The following PRR16 variants were observed in gnomAD, a reference collection of about 807,000 sequenced individuals.
The protein encoded by PRR16 is proline rich 16, also known as protein Largen.
PRR16 carries 6 observed loss-of-function variants against 18.2 expected under a neutral mutation model. The observed-to-expected ratio is 0.33, with a 90% CI of 0.18 to 0.65. PRR16 has a LOEUF of 0.65. PRR16 is among the 30% of genes least tolerant of loss of function. PRR16 has a pLI of 0.74. For missense variants in PRR16, 412 were observed against 376.6 expected (o/e 1.09, Z -0.78); for synonymous variants, 151 against 147.8 (o/e 1.02, Z -0.16).
chr5:120,642,227 C>T (rs911059227), intron 1 of PRR16, among the ~76,000 whole-genome samples: 1 of 151,196 alleles, frequency 6.6e-6, no homozygotes, highest in African/African-American at 2.4e-5. Flanking sequence ...AAATCTGATA[C>T]TGTAATTTCC....
the PRR16 span, among the ~76,000 whole-genome samples, chr5:120,761,851 C>A: frequency 3.3e-5 from 5 of 152,056 alleles, no homozygotes; most frequent in African/African-American, 1.2e-4. Flanking sequence ...CATTTACCAA[C>A]CTCTCTTCAT....
chr5:120,664,450 G>A (rs987212413), intron 1 of PRR16, among the ~76,000 whole-genome samples: 1 of 31,126 alleles, frequency 3.2e-5, no homozygotes, highest in Non-Finnish European at 1.5e-4. Context: ...GAGAAAAAAT[G>A]TTTTTGTTTT....
At chr5:120,636,626 A>G (rs1755236298) in intron 1 of PRR16, among the ~76,000 whole-genome samples, 1 of 152,144 alleles carries the variant, frequency 6.6e-6, no homozygotes, top group Non-Finnish European at 1.5e-5. Flanking sequence ...TTATACAAAA[A>G]TCAACTCACA....
chr5:120,511,845 A>G (rs1750836394), intron 1 of PRR16, among the ~76,000 whole-genome samples: 1 of 152,218 alleles, frequency 6.6e-6, no homozygotes. Flanking sequence ...GAACTGCTGC[A>G]GTTGTGTGCT....
chr5:120,470,391 A>C (rs1017316518), intron 1 of PRR16, among the ~76,000 whole-genome samples: 1 of 152,172 alleles, frequency 6.6e-6, no homozygotes, highest in South Asian at 2.1e-4. Context: ...TATCTTTAGT[A>C]CCACATAAAA....
intron 1 of PRR16, among the ~76,000 whole-genome samples, chr5:120,584,138 A>G (rs1244214107): frequency 3.3e-5 from 5 of 152,200 alleles, no homozygotes; most frequent in Non-Finnish European, 5.9e-5. Flanking sequence ...ATGATGTCCC[A>G]GGGACTAATT....
the PRR16 span, among the ~76,000 whole-genome samples, chr5:120,702,615 A>G: frequency 6.6e-6 from 1 of 152,156 alleles, no homozygotes; most frequent in Non-Finnish European, 1.5e-5. Context: ...ATGATTAAAC[A>G]CCAAGGGAAG....
intron 1 of PRR16, among the ~76,000 whole-genome samples, chr5:120,557,384 T>C (rs1332373115): frequency 1.3e-5 from 2 of 151,942 alleles, no homozygotes; most frequent in Admixed American, 1.3e-4. Context: ...ATCTATATAA[T>C]ACATATGTAC....
At chr5:120,743,389 A>G in the PRR16 span, among the ~76,000 whole-genome samples, 4 of 152,176 alleles carry the variant, frequency 2.6e-5, no homozygotes, top group Admixed American at 6.5e-5. Flanking sequence ...GATTAAAAAA[A>G]AATGTTTGAA....
At chr5:120,624,064 G>T (rs1425505474) in intron 1 of PRR16, among the ~76,000 whole-genome samples, 2 of 152,098 alleles carry the variant, frequency 1.3e-5, no homozygotes, top group Admixed American at 1.3e-4. Context: ...GACATAAATT[G>T]TGCAAGATTT....
intron 1 of PRR16, among the ~76,000 whole-genome samples, chr5:120,546,370 C>T (rs1039475166): frequency 2.0e-5 from 3 of 152,068 alleles, no homozygotes; most frequent in African/African-American, 7.2e-5. Flanking sequence ...CTCCATAGTG[C>T]TCCCTCCCTA....
intron 1 of PRR16, among the ~76,000 whole-genome samples, chr5:120,475,705 C>T (rs768380692): frequency 1.3e-5 from 2 of 152,058 alleles, no homozygotes; most frequent in Non-Finnish European, 2.9e-5. Context: ...CTACTGCATT[C>T]AAGCCTGGGT....
intron 1 of PRR16, among the ~76,000 whole-genome samples, chr5:120,546,893 C>T (rs1378976877): frequency 6.6e-6 from 1 of 151,998 alleles, no homozygotes. Flanking sequence ...AACCCATAGG[C>T]CGTGTCTCCA....
chr5:120,787,663 T>G, the PRR16 span, among the ~76,000 whole-genome samples: 1 of 152,142 alleles, frequency 6.6e-6, no homozygotes. Flanking sequence ...TGGGTTAGTT[T>G]GCTCACTTCA....
At chr5:120,750,180 G>T in the PRR16 span, among the ~76,000 whole-genome samples, 1 of 151,928 alleles carries the variant, frequency 6.6e-6, no homozygotes, top group Non-Finnish European at 1.5e-5. Context: ...ACTGGTAAAA[G>T]AGCTTCTTGA....
intron 1 of PRR16, among the ~76,000 whole-genome samples, chr5:120,603,315 T>C (rs1021382388): frequency 6.6e-5 from 10 of 152,238 alleles, no homozygotes; most frequent in African/African-American, 2.2e-4. Context: ...TAGAAATTTA[T>C]CCATTTCTTC....
chr5:120,683,157 C>T (rs1757022930), intron 1 of PRR16, among the ~76,000 whole-genome samples: 2 of 152,060 alleles, frequency 1.3e-5, no homozygotes, highest in Non-Finnish European at 2.9e-5. Flanking sequence ...GAGACAATGA[C>T]TAGAACTGAC....
At chr5:120,676,383 G>C (rs1035882590) in intron 1 of PRR16, among the ~76,000 whole-genome samples, 4 of 151,914 alleles carry the variant, frequency 2.6e-5, no homozygotes, top group Non-Finnish European at 5.9e-5. Context: ...TGAAGGCGGG[G>C]CCCCGTTCCT....
the PRR16 span, among the ~76,000 whole-genome samples, chr5:120,733,904 G>C: frequency 6.6e-6 from 1 of 152,010 alleles, no homozygotes; most frequent in Non-Finnish European, 1.5e-5. Flanking sequence ...TACTTTCAAT[G>C]CATTAAAACA....
Sources: allele counts gnomAD v4.1 joint callset (sites outside exome capture counted in the v4.1 genomes callset), GRCh38; gene constraint gnomAD v4.1.1; transcripts MANE v1.5; gene names NCBI Gene and HGNC (gene_info 2026-07-23, HGNC 2026-07-21).